The following LRTM3 variants were observed in gnomAD, a reference collection of about 807,000 sequenced individuals.
LRTM3 encodes leucine-rich repeat transmembrane protein 3.
the LRTM3 span, chr13:102,745,232 G>A: frequency 6.4e-7 from 1 of 1,550,912 alleles, no homozygotes; most frequent in Non-Finnish European, 8.7e-7. Flanking sequence ...TTTTAACAAT[G>A]CCTCCTGTTT....
the LRTM3 span, chr13:102,740,521 C>T: frequency 2.6e-6 from 4 of 1,549,702 alleles, no homozygotes; most frequent in Non-Finnish European, 3.5e-6. Context: ...GTAGGTACTG[C>T]CATTTTTGGC....
At chr13:102,747,035 C>CAT in the LRTM3 span, 4 of 1,551,040 alleles carry the variant, frequency 2.6e-6, no homozygotes, top group Non-Finnish European at 3.5e-6. Context: ...TGCATCAAGT[C>CAT]CAAGGTTGCA....
the LRTM3 span, chr13:102,747,534 G>C: frequency 6.4e-7 from 1 of 1,550,850 alleles, no homozygotes; most frequent in African/African-American, 1.4e-5. Context: ...AAAGACCCCA[G>C]GGCAACTGCA....
the LRTM3 span, chr13:102,746,722 T>A: frequency 5.8e-6 from 9 of 1,551,150 alleles, no homozygotes; most frequent in Non-Finnish European, 7.8e-6. Context: ...GTAAATCTTT[T>A]GGTATTTCTG....
the LRTM3 span, among the ~76,000 whole-genome samples, chr13:102,755,874 T>C: frequency 7.9e-6 from 1 of 126,204 alleles, no homozygotes; most frequent in Non-Finnish European, 1.7e-5. Context: ...CCAAAAAAAG[T>C]TTATATATAT....
At chr13:102,732,685 A>C in the LRTM3 span, 16 of 1,551,174 alleles carry the variant, frequency 1.0e-5, no homozygotes, top group East Asian at 9.8e-5. Context: ...GGTGTGCACT[A>C]CTGCTTGTGT....
the LRTM3 span, among the ~76,000 whole-genome samples, chr13:102,758,232 A>G: frequency 3.0e-4 from 45 of 152,352 alleles, 1 homozygote; most frequent in East Asian, 8.1e-3. Flanking sequence ...TAATATACGA[A>G]AAGTCCTTAA....
chr13:102,744,254 C>T, the LRTM3 span: 1 of 1,550,284 alleles, frequency 6.5e-7, no homozygotes, highest in Non-Finnish European at 8.7e-7. Context: ...ACTTTTCTTG[C>T]CTATAAACTC....
At chr13:102,758,612 T>C in the LRTM3 span, 1 of 1,527,014 alleles carries the variant, frequency 6.5e-7, no homozygotes. Flanking sequence ...AGAGGAGTAA[T>C]CGGAGTATCA....
At chr13:102,733,338 C>T in the LRTM3 span, 3 of 1,551,294 alleles carry the variant, frequency 1.9e-6, no homozygotes, top group East Asian at 7.3e-5. Flanking sequence ...TTACTTTGTC[C>T]ATCTTCCTTT....
At chr13:102,730,133 G>A in the LRTM3 span, 239 of 1,549,800 alleles carry the variant, frequency 1.5e-4, no homozygotes, top group Non-Finnish European at 2.0e-4. Flanking sequence ...GGAAGGTGGT[G>A]TAATAATTAA....
chr13:102,755,909 G>A, the LRTM3 span, among the ~76,000 whole-genome samples: 8 of 56,552 alleles, frequency 1.4e-4, no homozygotes, highest in Non-Finnish European at 3.5e-4. Flanking sequence ...ATATGTGTGT[G>A]TGTGTGTGTG....
chr13:102,736,690 C>A, the LRTM3 span: 1 of 1,550,516 alleles, frequency 6.4e-7, no homozygotes, highest in Non-Finnish European at 8.7e-7. Context: ...TGTTCACCTG[C>A]AGTTCCTTTG....
the LRTM3 span, chr13:102,733,804 C>T: frequency 2.6e-6 from 4 of 1,551,400 alleles, no homozygotes; most frequent in African/African-American, 2.7e-5. Context: ...GGACGCTGAT[C>T]ATGAAGTTTG....
At chr13:102,733,325 T>A in the LRTM3 span, 1 of 1,551,286 alleles carries the variant, frequency 6.4e-7, no homozygotes, top group Admixed American at 2.0e-5. Context: ...GCTGATTCTA[T>A]CATTACTTTG....
chr13:102,742,824 A>G, the LRTM3 span: 2 of 1,550,534 alleles, frequency 1.3e-6, no homozygotes, highest in South Asian at 2.4e-5. Flanking sequence ...AAATTACAGA[A>G]AGCATTTTCT....
chr13:102,729,779 C>T, the LRTM3 span: 2 of 1,551,856 alleles, frequency 1.3e-6, no homozygotes, highest in Non-Finnish European at 1.7e-6. Flanking sequence ...TCTCTTCTTT[C>T]TGTCACGTTT....
At chr13:102,729,970 G>A in the LRTM3 span, 2 of 1,551,822 alleles carry the variant, frequency 1.3e-6, no homozygotes, top group Non-Finnish European at 1.7e-6. Context: ...AACTTGTTCT[G>A]CTCTTGGTAG....
the LRTM3 span, chr13:102,736,537 T>C: frequency 4.1e-5 from 64 of 1,551,086 alleles, no homozygotes; most frequent in Non-Finnish European, 4.9e-5. Flanking sequence ...GCATAAAGCT[T>C]CTTGTTATTC....
Sources: gnomAD v4.1 joint callset for allele counts (sites outside exome capture counted in the v4.1 genomes callset) on GRCh38, gnomAD v4.1.1 for gene constraint, MANE v1.5 for transcripts, NCBI Gene and HGNC (gene_info 2026-07-23, HGNC 2026-07-21) for gene names.